Variants in GLB1L2 observed in about 807,000 individuals in gnomAD.
GLB1L2 encodes the protein galactosidase beta 1 like 2.
A neutral mutation model predicts 84.1 loss-of-function variants in GLB1L2; 68 were observed. That is an observed-to-expected ratio of 0.81 (90% CI 0.67 to 0.99). The LOEUF is 0.99. GLB1L2 is among the 50% of genes least tolerant of loss of function. GLB1L2 has a pLI of 0.00. For missense variants in GLB1L2, 762 were observed against 805.6 expected (o/e 0.95, Z 0.66); for synonymous variants, 290 against 318.0 (o/e 0.91, Z 0.94).
At chr11:134,332,180 C>T in intron 1 of GLB1L2, 33 bp downstream of exon 1, 1 of 1,407,378 alleles carries the variant, frequency 7.1e-7, no homozygotes, top group Non-Finnish European at 9.7e-7. Context: ...ACCTGCCGGA[C>T]CCCACATTCC....
Position 134,366,053 on chromosome 11 carries a change from G to A in GLB1L2, c.805-1204G>A, listed in dbSNP as rs571847481. ...AGACACCCTGTAAGTAGTGGCTTGG[G>A]GACTGCAGAACAGTCTCACTACAGA... is the stretch of plus-strand genomic sequence containing the variant. On this transcript the variant is annotated intron_variant, in intron 8 of 18. Transcript: ENST00000535456. Among the ~76,000 whole-genome samples the A allele has an allele frequency of 5.9e-5, 9 of 152,296 alleles. No individual in the cohort carries two copies. The South Asian group carries it at 1.7e-3, about 28-fold the overall frequency.
chr11:134,342,009 C>G (rs536399994), intron 1 of GLB1L2, among the ~76,000 whole-genome samples: 167 of 152,120 alleles, frequency 1.1e-3, no homozygotes, highest in Non-Finnish European at 1.7e-3. Context: ...TTTCATGCCT[C>G]CAGCTTTCCT....
intron 1 of GLB1L2, among the ~76,000 whole-genome samples, chr11:134,335,186 CTCTT>C (rs1943364574): frequency 6.6e-6 from 1 of 151,614 alleles, no homozygotes; most frequent in African/African-American, 2.4e-5. Context: ...ATGTATCAAA[CTCTT>C]TCTCCTGAAC....
intron 14 of GLB1L2, 58 bp from the exon 15 acceptor site, chr11:134,371,694 A>G: frequency 1.3e-6 from 2 of 1,572,314 alleles, no homozygotes; most frequent in South Asian, 2.2e-5. Flanking sequence ...CCACAAGCAA[A>G]TTCTGAGGGG....
chr11:134,345,988 C>G (rs1222082694), intron 4 of GLB1L2, among the ~76,000 whole-genome samples: 1 of 152,152 alleles, frequency 6.6e-6, no homozygotes, highest in Non-Finnish European at 1.5e-5. Flanking sequence ...TCCTCATCCT[C>G]AACATTGTGG....
In GLB1L2 at chr11:134,347,310, C is replaced by T. The variant is rs777872594; in HGVS notation, c.450-15C>T. The T allele has an allele frequency of 3.2e-5, 51 of 1,594,040 alleles. No homozygotes were observed. Among genetic ancestry groups the T allele is most frequent in the Admixed American group, 1.2e-4 (7 of 59,958 alleles). ...TGACACTAACATCCTTCCTTTCCCC[C>T]GTTTACACTTCAAGCTGGCTACTCC... On this transcript the variant is annotated splice_polypyrimidine_tract_variant and intron_variant, in intron 4 of 18. Coordinates refer to ENST00000535456, the MANE Select transcript of GLB1L2 (RefSeq NM_001370461.1).
Position 134,332,008 on chromosome 11 carries a change from G to C in GLB1L2, c.-54G>C. ...CCCCCGCGGCGAGGCTCCCGCGCGC[G>C]GCTGAGTGCGGACTGGAGTGGGAAC... On this transcript the variant is annotated 5_prime_UTR_variant, in exon 1 of 19. Transcript: ENST00000535456. 4.7e-6 allele frequency: 6 copies of C among 1,279,272 alleles called. No homozygotes were observed. Among genetic ancestry groups the C allele is most frequent in the South Asian group, 1.4e-5 (1 of 73,394 alleles). 79.2% of individuals were successfully genotyped at this position (1,279,272 alleles called of 1,614,324 possible).
intron 5 of GLB1L2, chr11:134,356,047 C>T (rs1419570918): frequency 4.8e-6 from 3 of 621,176 alleles, no homozygotes; most frequent in African/African-American, 1.8e-5. Context: ...TTGGTGGTCA[C>T]TTGTTTGGTT....
At chr11:134,348,265 T>C (rs1310459526) in intron 5 of GLB1L2, among the ~76,000 whole-genome samples, 1 of 152,226 alleles carries the variant, frequency 6.6e-6, no homozygotes, top group Non-Finnish European at 1.5e-5. Context: ...TTCCAAATAT[T>C]GCATGGGTCA....
chr11:134,343,390 G>A (rs751682245), intron 2 of GLB1L2, among the ~76,000 whole-genome samples: 4 of 152,188 alleles, frequency 2.6e-5, no homozygotes, highest in Non-Finnish European at 5.9e-5. Flanking sequence ...CCTCTGCTGT[G>A]ATGATTGGCA....
intron 7 of GLB1L2, among the ~76,000 whole-genome samples, chr11:134,362,865 G>A (rs1042244214): frequency 6.6e-6 from 1 of 152,160 alleles, no homozygotes; most frequent in Admixed American, 6.5e-5. Context: ...GTGAGGCCTT[G>A]GGCTGGAGCT....
chr11:134,342,941 A>T lies in GLB1L2; in HGVS notation c.274A>T (p.Thr92Ser), dbSNP rs755871645. ...GAAGATGAAGGCCTGTGGCTTGAACACCCTCACCACGTAGGTGCTGCCCCT... is the reference window on the plus strand; with the variant it reads ...GAAGATGAAGGCCTGTGGCTTGAACTCCCTCACCACGTAGGTGCTGCCCCT... ...LLKMKACGLN[T>S]LTTYVPWNLH... is the part of the protein sequence containing the mutation. Residue 92 changes from threonine (T) to serine (S), a missense_variant, in exon 2 of 19, where the codon ACC becomes TCC. Physicochemically the swap from Thr to Ser is moderately conservative, Grantham distance 58. Around this residue, in one of 3 missense-constraint regions of GLB1L2, gnomAD observed 59 missense variants for 105.1 expected, o/e 0.56. Transcript: ENST00000535456. The T allele has an allele frequency of 6.2e-7, 1 of 1,610,910 alleles. No individual in the cohort carries two copies. Among genetic ancestry groups the T allele is most frequent in the Admixed American group, 1.7e-5 (1 of 59,874 alleles).
At chr11:134,371,916 C>A in intron 15 of GLB1L2, 86 bp downstream of exon 15, 1 of 1,285,568 alleles carries the variant, frequency 7.8e-7, no homozygotes, top group Non-Finnish European at 1.1e-6. Context: ...GGCCACCAGG[C>A]CATGGAGGCC....
chr11:134,371,249 C>A, intron 13 of GLB1L2, 101 bp downstream of exon 13: 1 of 1,445,958 alleles, frequency 6.9e-7, no homozygotes, highest in Non-Finnish European at 9.7e-7. Context: ...CAGTGTGTGA[C>A]AATGGCCCTT....
intron 9 of GLB1L2, 111 bp from the exon 10 acceptor site, chr11:134,368,533 T>C (rs944399260): frequency 3.6e-5 from 39 of 1,068,546 alleles, no homozygotes; most frequent in Admixed American, 2.3e-4. Context: ...GTGACAAAGT[T>C]GGCCTTGAGG....
chr11:134,340,971 T>C (rs1349314123), intron 1 of GLB1L2, among the ~76,000 whole-genome samples: 1 of 152,204 alleles, frequency 6.6e-6, no homozygotes, highest in Admixed American at 6.5e-5. Flanking sequence ...CAGGCTGTGT[T>C]GGTCTAATAG....
At chr11:134,365,161 G>A (rs114331802) in intron 8 of GLB1L2, 15 of 152,468 alleles carry the variant, frequency 9.8e-5, no homozygotes, top group Admixed American at 9.2e-4. Flanking sequence ...GCCTTTCAGA[G>A]CAGGGGCTGT....
At chr11:134,365,237 T>C (rs1358085686) in intron 8 of GLB1L2, among the ~76,000 whole-genome samples, 1 of 152,232 alleles carries the variant, frequency 6.6e-6, no homozygotes, top group Non-Finnish European at 1.5e-5. Flanking sequence ...TTGATGTGGC[T>C]TCTCCTGGAG....
intron 5 of GLB1L2, among the ~76,000 whole-genome samples, chr11:134,353,538 T>C (rs1343714922): frequency 1.3e-5 from 2 of 152,222 alleles, no homozygotes. Context: ...GTTGTGTATA[T>C]ATATGTTTGG....
Sources: gnomAD v4.1 joint callset for allele counts (sites outside exome capture counted in the v4.1 genomes callset) on GRCh38, gnomAD v4.1.1 for gene constraint, gnomAD v4.1.1 regional missense constraint, MANE v1.5 for transcripts, NCBI Gene and HGNC (gene_info 2026-07-23, HGNC 2026-07-21) for gene names.